The following EXD1 variants were observed in gnomAD, a reference collection of about 807,000 sequenced individuals.
EXD1 encodes piRNA biogenesis protein EXD1.
Under a neutral mutation model 49.1 loss-of-function variants are expected in EXD1, and 63 were observed. The observed-to-expected ratio is 1.28, with a 90% CI of 1.05 to 1.58. The LOEUF (loss-of-function observed/expected upper bound fraction) is 1.58, where lower values mean the gene tolerates loss of function less well. Among genes scored for constraint, EXD1 ranks in the 40% most tolerant of loss-of-function variants. EXD1 has a pLI of 0.00. For missense variants in EXD1, 748 were observed against 666.0 expected (o/e 1.12, Z -1.36); for synonymous variants, 234 against 239.2 (o/e 0.98, Z 0.20).
chr15:41,209,688 G>C (rs1035911166), intron 6 of EXD1, 101 bp from the exon 7 acceptor site: 2 of 977,842 alleles, frequency 2.0e-6, no homozygotes, highest in Non-Finnish European at 3.1e-6. Flanking sequence ...TAAACAAAGT[G>C]CATCATCTTT....
At chr15:41,223,689 G>A (rs751567387) in intron 2 of EXD1, among the ~76,000 whole-genome samples, 7 of 151,294 alleles carry the variant, frequency 4.6e-5, no homozygotes, top group South Asian at 4.2e-4. Context: ...GTGAAACCAC[G>A]TCTCTACTAA....
intron 7 of EXD1, among the ~76,000 whole-genome samples, chr15:41,205,284 C>G (rs1005697209): frequency 6.6e-6 from 1 of 152,092 alleles, no homozygotes; most frequent in South Asian, 2.1e-4. Flanking sequence ...GTAGAGGGCT[C>G]CAGGAGAGAT....
At chr15:41,210,620 G>A in intron 6 of EXD1, among the ~76,000 whole-genome samples, 1 of 151,924 alleles carries the variant, frequency 6.6e-6, no homozygotes, top group Admixed American at 6.6e-5. Context: ...AGCCTGGGAG[G>A]CTGAGGCTGC....
intron 7 of EXD1, among the ~76,000 whole-genome samples, chr15:41,205,374 C>T (rs2046805369): frequency 6.6e-6 from 1 of 152,200 alleles, no homozygotes; most frequent in Admixed American, 6.6e-5. Context: ...CAGGGTCTCA[C>T]TCTCACATGC....
chr15:41,199,709 T>C (rs1326830667), intron 7 of EXD1, among the ~76,000 whole-genome samples: 18 of 84,912 alleles, frequency 2.1e-4, no homozygotes, highest in Middle Eastern at 7.9e-3. Flanking sequence ...ACATATATCA[T>C]ATATATGATA....
intron 6 of EXD1, among the ~76,000 whole-genome samples, chr15:41,211,817 C>G (rs1041394738): frequency 2.5e-5 from 3 of 118,092 alleles, no homozygotes; most frequent in Non-Finnish European, 4.9e-5. Context: ...AAAAAAAGAG[C>G]TGGGCATGGT....
intron 11 of EXD1, among the ~76,000 whole-genome samples, chr15:41,187,950 G>A (rs1301009229): frequency 1.4e-5 from 2 of 146,668 alleles, no homozygotes; most frequent in Admixed American, 1.4e-4. Context: ...AGGAGGTGGA[G>A]TTTGTAGTGA....
At chr15:41,191,219 C>G (rs879816460) in intron 10 of EXD1, among the ~76,000 whole-genome samples, 3 of 152,196 alleles carry the variant, frequency 2.0e-5, no homozygotes, top group Non-Finnish European at 4.4e-5. Flanking sequence ...AGCCACCGAG[C>G]CCGGCCTAAG....
intron 1 of EXD1, among the ~76,000 whole-genome samples, chr15:41,228,062 CA>C (rs1440287715): frequency 1.3e-5 from 2 of 152,094 alleles, no homozygotes; most frequent in Non-Finnish European, 2.9e-5. Flanking sequence ...AAAAACAAAA[CA>C]AAACAAAAGA....
intron 11 of EXD1, among the ~76,000 whole-genome samples, chr15:41,185,386 C>T (rs1377848168): frequency 6.6e-6 from 1 of 151,878 alleles, no homozygotes; most frequent in Non-Finnish European, 1.5e-5. Flanking sequence ...TGCTCTGTTG[C>T]CTTGGCTGGA....
intron 2 of EXD1, among the ~76,000 whole-genome samples, chr15:41,222,143 G>A (rs948572078): frequency 1.3e-5 from 2 of 151,934 alleles, no homozygotes; most frequent in African/African-American, 2.4e-5. Context: ...GGCCAGGCAC[G>A]GTGGCTCATG....
chr15:41,199,893 A>G (rs1001140568), intron 7 of EXD1, among the ~76,000 whole-genome samples: 1 of 144,986 alleles, frequency 6.9e-6, no homozygotes, highest in African/African-American at 2.5e-5. Flanking sequence ...TATATGATAT[A>G]TATAATATAT....
chr15:41,198,494 C>A (rs2046651336), intron 7 of EXD1, among the ~76,000 whole-genome samples: 1 of 151,832 alleles, frequency 6.6e-6, no homozygotes. Context: ...GAGTTCAAGA[C>A]CACCTGGAAA....
chr15:41,216,862 GC>G (rs2047007566), intron 4 of EXD1, 67 bp from the exon 5 acceptor site: 1 of 1,594,238 alleles, frequency 6.3e-7, no homozygotes, highest in Admixed American at 1.7e-5. Flanking sequence ...AACAGATTTT[GC>G]CACACATTAA....
intron 9 of EXD1, among the ~76,000 whole-genome samples, chr15:41,192,790 ATTTTTT>A (rs57676752): frequency 1.3e-5 from 1 of 74,766 alleles, no homozygotes. Flanking sequence ...TATTCTTAAG[ATTTTTT>A]TTTTTTTTTT....
intron 9 of EXD1, among the ~76,000 whole-genome samples, chr15:41,193,687 A>G (rs1438909491): frequency 6.6e-6 from 1 of 152,102 alleles, no homozygotes; most frequent in Non-Finnish European, 1.5e-5. Flanking sequence ...CCACATTAGC[A>G]GAGAGCTATG....
At chr15:41,216,943 C>T in intron 4 of EXD1, 148 bp from the exon 5 acceptor site, 1 of 1,330,526 alleles carries the variant, frequency 7.5e-7, no homozygotes, top group Non-Finnish European at 1.0e-6. Context: ...CTTGAGGGCG[C>T]TATCTAACAA....
intron 6 of EXD1, among the ~76,000 whole-genome samples, chr15:41,213,995 G>A (rs914646660): frequency 1.7e-4 from 26 of 151,930 alleles, no homozygotes; most frequent in African/African-American, 5.6e-4. Flanking sequence ...GTGAAACCCC[G>A]TCTCTACTAA....
chr15:41,210,127 C>T (rs550766344), intron 6 of EXD1, among the ~76,000 whole-genome samples: 1 of 152,236 alleles, frequency 6.6e-6, no homozygotes, highest in Non-Finnish European at 1.5e-5. Context: ...GTTGGTCAGG[C>T]TGGTCTCAAA....
Sources: gnomAD v4.1 joint callset for allele counts (sites outside exome capture counted in the v4.1 genomes callset) on GRCh38, gnomAD v4.1.1 for gene constraint, MANE v1.5 for transcripts, NCBI Gene and HGNC (gene_info 2026-07-23, HGNC 2026-07-21) for gene names.